SYT1: variants seen among roughly 807,000 people sequenced by gnomAD.
SYT1 encodes the protein synaptotagmin 1, also known as synaptotagmin-1.
A neutral mutation model predicts 44.8 loss-of-function variants in SYT1; 8 were observed. That is an observed-to-expected ratio of 0.18 (90% CI 0.10 to 0.32). The LOEUF (loss-of-function observed/expected upper bound fraction) is 0.32. Among genes scored for constraint, SYT1 ranks in the 10% least tolerant of loss-of-function variants. The probability of loss-of-function intolerance (pLI) is 1.00; values close to 1 mark genes in which losing one functional copy is unlikely to be tolerated. For synonymous variants in SYT1, 154 were observed against 188.8 expected, an observed-to-expected ratio of 0.82 and a Z score of 1.51; for missense variants, 286 against 509.3, an observed-to-expected ratio of 0.56 and a Z score of 4.22.
chr12:79,422,787 A>T (rs1869197819), intron 9 of SYT1, among the ~76,000 whole-genome samples: 1 of 151,980 alleles, frequency 6.6e-6, no homozygotes, highest in Non-Finnish European at 1.5e-5. Flanking sequence ...AGGATTTTTT[A>T]AAATCATTCA....
intron 1 of SYT1, among the ~76,000 whole-genome samples, chr12:78,906,107 T>G (rs1239579902): frequency 2.0e-5 from 3 of 152,022 alleles, no homozygotes; most frequent in African/African-American, 7.2e-5. Context: ...ATAAAGAAAT[T>G]TGTGTATTTA....
intron 1 of SYT1, among the ~76,000 whole-genome samples, chr12:78,901,811 G>A (rs997934671): frequency 6.6e-6 from 1 of 152,062 alleles, no homozygotes; most frequent in Non-Finnish European, 1.5e-5. Flanking sequence ...TTTAAAAATG[G>A]AGAGTACTCT....
intron 2 of SYT1, among the ~76,000 whole-genome samples, chr12:79,001,483 T>C (rs991442461): frequency 2.6e-5 from 4 of 152,158 alleles, no homozygotes; most frequent in African/African-American, 7.2e-5. Flanking sequence ...GGAGAATCTA[T>C]GACTAGGGTT....
intron 3 of SYT1, among the ~76,000 whole-genome samples, chr12:79,053,521 A>T (rs565607031): frequency 4.5e-4 from 67 of 150,340 alleles, no homozygotes; most frequent in African/African-American, 1.5e-3. Flanking sequence ...AATAAAATTT[A>T]AAAAAATTCT....
At chr12:79,109,520 G>T (rs192139170) in intron 3 of SYT1, among the ~76,000 whole-genome samples, 4 of 152,166 alleles carry the variant, frequency 2.6e-5, no homozygotes, top group Admixed American at 6.5e-5. Flanking sequence ...TGAGCCAAAA[G>T]GTTCTCAACT....
At chr12:79,230,018 C>T (rs918061161) in intron 4 of SYT1, among the ~76,000 whole-genome samples, 7 of 152,272 alleles carry the variant, frequency 4.6e-5, no homozygotes, top group African/African-American at 1.4e-4. Flanking sequence ...GGTCACAGGA[C>T]CCTACACATC....
At chr12:79,119,161 A>G (rs1468916440) in intron 3 of SYT1, among the ~76,000 whole-genome samples, 1 of 152,124 alleles carries the variant, frequency 6.6e-6, no homozygotes, top group Non-Finnish European at 1.5e-5. Context: ...CACTCTCACT[A>G]ACTTCTTATT....
At chr12:79,001,052 C>A (rs550024607) in intron 2 of SYT1, among the ~76,000 whole-genome samples, 15 of 152,202 alleles carry the variant, frequency 9.9e-5, no homozygotes, top group African/African-American at 3.6e-4. Context: ...CCCATGGAAT[C>A]CCTTATTTGT....
chr12:78,884,458 T>C (rs1182438747), intron 1 of SYT1, among the ~76,000 whole-genome samples: 1 of 119,742 alleles, frequency 8.4e-6, no homozygotes, highest in Non-Finnish European at 2.0e-5. Flanking sequence ...ACAATGAACA[T>C]AAGGTGTACT....
chr12:79,388,268 A>G (rs781040332), intron 9 of SYT1, among the ~76,000 whole-genome samples: 1 of 152,224 alleles, frequency 6.6e-6, no homozygotes, highest in South Asian at 2.1e-4. Flanking sequence ...GGTCACTACT[A>G]TGCATCACGA....
intron 3 of SYT1, among the ~76,000 whole-genome samples, chr12:79,106,600 G>A (rs1302192968): frequency 6.7e-6 from 1 of 150,196 alleles, no homozygotes; most frequent in South Asian, 2.1e-4. Flanking sequence ...ACTCTCATAG[G>A]GAACTTTTTT....
chr12:79,188,112 G>A (rs1398978169), intron 3 of SYT1, among the ~76,000 whole-genome samples: 1 of 151,934 alleles, frequency 6.6e-6, no homozygotes, highest in African/African-American at 2.4e-5. Context: ...TATTTATTGT[G>A]CTGCTTTTTA....
chr12:78,943,102 A>G (rs1239864161), intron 1 of SYT1, among the ~76,000 whole-genome samples: 2 of 152,178 alleles, frequency 1.3e-5, no homozygotes, highest in African/African-American at 2.4e-5. Flanking sequence ...TGTATAGAGC[A>G]CAATAATTTA....
At chr12:78,869,843 A>G (rs1056620222) in intron 1 of SYT1, among the ~76,000 whole-genome samples, 8 of 152,066 alleles carry the variant, frequency 5.3e-5, no homozygotes, top group Admixed American at 4.6e-4. Context: ...ATGAGAGGTC[A>G]AAGTTTATCT....
At chr12:79,049,099 C>T (rs1050798889) in intron 3 of SYT1, among the ~76,000 whole-genome samples, 6 of 151,860 alleles carry the variant, frequency 4.0e-5, no homozygotes, top group South Asian at 4.1e-4. Flanking sequence ...CACAATTTCT[C>T]GGCCCTCTGA....
chr12:79,409,090 C>G (rs911836727), intron 9 of SYT1, among the ~76,000 whole-genome samples: 1 of 152,086 alleles, frequency 6.6e-6, no homozygotes, highest in Non-Finnish European at 1.5e-5. Context: ...GTTTAATCCA[C>G]TAGATAATTG....
intron 3 of SYT1, among the ~76,000 whole-genome samples, chr12:79,049,477 C>A (rs1181800082): frequency 1.3e-5 from 2 of 151,686 alleles, no homozygotes; most frequent in Non-Finnish European, 2.9e-5. Flanking sequence ...AAAGACTCTT[C>A]TTATTATACT....
At chr12:79,167,175 G>A (rs975407818) in intron 3 of SYT1, among the ~76,000 whole-genome samples, 3 of 151,908 alleles carry the variant, frequency 2.0e-5, no homozygotes, top group African/African-American at 4.8e-5. Flanking sequence ...ACCATATTGC[G>A]ATCTCAGATT....
intron 4 of SYT1, among the ~76,000 whole-genome samples, chr12:79,254,523 C>A (rs977018808): frequency 5.9e-5 from 9 of 152,192 alleles, no homozygotes; most frequent in African/African-American, 2.2e-4. Context: ...AACACAACAT[C>A]CTTTCTGAAG....
Sources: allele counts gnomAD v4.1 joint callset (sites outside exome capture counted in the v4.1 genomes callset), GRCh38; gene constraint gnomAD v4.1.1; transcripts MANE v1.5; gene names NCBI Gene and HGNC (gene_info 2026-07-23, HGNC 2026-07-21).